The following CDH4 variants were observed in gnomAD, a reference collection of about 807,000 sequenced individuals.
The protein encoded by CDH4 is cadherin-4.
A neutral mutation model predicts 86.0 loss-of-function variants in CDH4; 33 were observed. The observed-to-expected ratio is 0.38, with a 90% CI of 0.29 to 0.51. CDH4 has a LOEUF of 0.51. Among genes scored for constraint, CDH4 ranks in the 20% least tolerant of loss-of-function variants. The pLI is 0.86. For missense variants in CDH4, 1,114 were observed against 1,307.4 expected (o/e 0.85, Z 2.28); for synonymous variants, 555 against 549.4 (o/e 1.01, Z -0.14).
At chr20:61,851,330 C>T (rs1478733924) in intron 5 of CDH4, among the ~76,000 whole-genome samples, 6 of 152,196 alleles carry the variant, frequency 3.9e-5, no homozygotes. Context: ...GGTAAAATTC[C>T]ACTCTGGATG....
At chr20:61,659,343 A>G (rs1600848693) in intron 2 of CDH4, among the ~76,000 whole-genome samples, 1 of 152,340 alleles carries the variant, frequency 6.6e-6, no homozygotes, top group African/African-American at 2.4e-5. Flanking sequence ...TAGAATGCTC[A>G]TTTAAAACCA....
At chr20:61,259,896 G>A (rs1159885966) in intron 2 of CDH4, among the ~76,000 whole-genome samples, 1 of 152,156 alleles carries the variant, frequency 6.6e-6, no homozygotes, top group Admixed American at 6.6e-5. Flanking sequence ...TCCACCCTTT[G>A]CTCTTACTTC....
rs2087552167 is a variant in CDH4, at chr20:61,684,411, T to C, written c.170-59152T>C. Reference sequence around the variant, plus strand: ...GCTTATGCTGGTTAAGTAGGTCTGATGTTAACCAAGCCAAAATGCAGGGGC... The same window carrying C: ...GCTTATGCTGGTTAAGTAGGTCTGACGTTAACCAAGCCAAAATGCAGGGGC... On this transcript the variant is annotated intron_variant, in intron 2 of 15. Transcript: ENST00000614565. The surrounding 1 kb of genome is among the most constrained non-coding windows in gnomAD (Gnocchi z 4.5). 6.6e-6 allele frequency among the ~76,000 whole-genome samples: 1 copy of C among 152,188 alleles called. No individual in the cohort carries two copies. Among genetic ancestry groups the C allele is most frequent in the African/African-American group, 2.4e-5 (1 of 41,444 alleles).
chr20:61,469,022 T>C (rs1322455188), intron 2 of CDH4, among the ~76,000 whole-genome samples: 1 of 152,158 alleles, frequency 6.6e-6, no homozygotes, highest in Non-Finnish European at 1.5e-5. Flanking sequence ...AGAAACATGG[T>C]AGCAAAGATG....
rs775043820 is a variant in CDH4 at position 61,923,687 on chromosome 20, C to T, written c.1611C>T (p.Phe537=). The T allele has an allele frequency of 6.2e-7, 1 of 1,613,736 alleles. No homozygotes were observed. The highest frequency in any genetic ancestry group is 1.7e-5 in the Admixed American group (1 of 60,028). ...TTFSAVDPDR[F]MQQAVRYSKL... is the part of the protein sequence containing the mutation. ...TTTCAGCTGTGGACCCTGACCGGTT[C>T]ATGCAGCAGGCTGTGAGGTGGGTGC... Residue 537 remains phenylalanine (F), a synonymous_variant, in exon 10 of 16, where the codon TTC becomes TTT. Coordinates refer to ENST00000614565, the MANE Select transcript of CDH4 (RefSeq NM_001794.5).
rs1381000390 is a variant in CDH4, at chr20:61,663,244, C to T, written c.170-80319C>T. Among the ~76,000 whole-genome samples, 1 of 152,212 alleles carries T rather than the reference C, an allele frequency of 6.6e-6. No individual in the cohort carries two copies. Among genetic ancestry groups the T allele is most frequent in the Admixed American group, 6.5e-5 (1 of 15,292 alleles). On this transcript the variant is annotated intron_variant, in intron 2 of 15. Transcript: ENST00000614565. This position sits in a 1 kb window ranked among gnomAD's most constrained non-coding sequence, Gnocchi z 5.0. ...TGACAAAGCCCCTGTCCCAGAGGAG[C>T]TTTCATCGAGGGCTTGGCGCCCACG...
At chr20:61,905,975 C>T (rs1475468402) in intron 8 of CDH4, among the ~76,000 whole-genome samples, 6 of 152,170 alleles carry the variant, frequency 3.9e-5, no homozygotes, top group Non-Finnish European at 7.3e-5. Context: ...CATGACGCTC[C>T]CCTGGACCAT....
At chr20:61,743,836 T>C (rs1323956962) in intron 3 of CDH4, 47 bp downstream of exon 3, 2 of 1,375,856 alleles carry the variant, frequency 1.5e-6, no homozygotes, top group Admixed American at 2.0e-5. Context: ...GATGACCTAG[T>C]TCCTCCTGCA....
chr20:61,509,325 C>T (rs2085763394), intron 2 of CDH4, among the ~76,000 whole-genome samples: 3 of 151,836 alleles, frequency 2.0e-5, no homozygotes, highest in Admixed American at 2.0e-4. Context: ...GGGACTCATC[C>T]TGCCCCAGGG....
intron 3 of CDH4, among the ~76,000 whole-genome samples, chr20:61,749,973 A>G (rs911429302): frequency 6.6e-6 from 1 of 152,146 alleles, no homozygotes; most frequent in Non-Finnish European, 1.5e-5. Flanking sequence ...AGGCAGGAGA[A>G]TTGCTCGAAC....
At chr20:61,497,463 TAAAAAA>T (rs937272562) in intron 2 of CDH4, among the ~76,000 whole-genome samples, 1 of 151,930 alleles carries the variant, frequency 6.6e-6, no homozygotes, top group Non-Finnish European at 1.5e-5. Context: ...TTGTTGTTGT[TAAAAAA>T]AGAAAAACGA....
intron 2 of CDH4, among the ~76,000 whole-genome samples, chr20:61,734,709 G>A (rs2088238695): frequency 6.7e-6 from 1 of 150,160 alleles, no homozygotes; most frequent in Admixed American, 6.6e-5. Flanking sequence ...TCCCAGCCTG[G>A]CATGCTGCAG....
At chr20:61,910,208 A>C (rs1946349030) in intron 8 of CDH4, among the ~76,000 whole-genome samples, 1 of 144,882 alleles carries the variant, frequency 6.9e-6, no homozygotes. Context: ...GTTTGTGAAC[A>C]CTCCTTGAGC....
In CDH4 at chr20:61,748,540, C is replaced by T. The variant is rs991702101; in HGVS notation, c.396+4751C>T. Among the ~76,000 whole-genome samples the T allele has an allele frequency of 7.2e-5, 11 of 152,248 alleles. No individual in the cohort carries two copies. The East Asian group carries it at 2.1e-3, about 29-fold the overall frequency. ...AAAATAAAACAAGTTGAGGTGAACA[C>T]TCAGAAATGGAGGAAAGAATGAAGA... On this transcript the variant is annotated intron_variant, in intron 3 of 15. Transcript: ENST00000614565.
In CDH4 at chr20:61,928,299, C is replaced by T; in HGVS notation, c.1881C>T (p.Asn627=). ...PKEAQICEKP[N]LNAINITAAD... ...AGGCGCAGATCTGCGAGAAGCCCAA[C>T]CTGAACGCCATCAACATCACGGCGG... is the stretch of plus-strand genomic sequence containing the variant. Residue 627 remains asparagine (N), a synonymous_variant, in exon 12 of 16, where the codon AAC becomes AAT. Coordinates refer to ENST00000614565, the MANE Select transcript of CDH4 (RefSeq NM_001794.5). 6.2e-7 allele frequency: 1 copy of T among 1,610,768 alleles called. No homozygotes were observed. Among genetic ancestry groups the T allele is most frequent in the Non-Finnish European group, 8.5e-7 (1 of 1,179,994 alleles).
chr20:61,481,917 C>T (rs1234304180), intron 2 of CDH4, among the ~76,000 whole-genome samples: 2 of 152,138 alleles, frequency 1.3e-5, no homozygotes, highest in African/African-American at 2.4e-5. Context: ...CCATACATAT[C>T]GATGACTTTT....
chr20:61,444,320 TCTGC>T (rs1568847328), intron 2 of CDH4, among the ~76,000 whole-genome samples: 9 of 946 alleles, frequency 9.5e-3, no homozygotes, highest in South Asian at 0.028. Context: ...TTTTTGTGTA[TCTGC>T]ACGTGTGTTT....
chr20:61,932,477 G>A lies in CDH4; in HGVS notation c.2240-508G>A, dbSNP rs73917151. ...TATGGACATGAACACATGCACTCAC[G>A]CCCCATGAGCATACACAGACACACG... On this transcript the variant is annotated intron_variant, in intron 13 of 15. Coordinates refer to ENST00000614565, the MANE Select transcript of CDH4 (RefSeq NM_001794.5). Among the ~76,000 whole-genome samples, 915 of 152,012 alleles carry A rather than the reference G, an allele frequency of 6.0e-3. 12 individuals are homozygous for A. Among genetic ancestry groups the A allele is most frequent in the African/African-American group, 0.021 (867 of 41,432 alleles).
At chr20:61,471,277 A>G (rs2085500688) in intron 2 of CDH4, among the ~76,000 whole-genome samples, 1 of 152,034 alleles carries the variant, frequency 6.6e-6, no homozygotes, top group African/African-American at 2.4e-5. Flanking sequence ...CTAGGAATTT[A>G]TACCTTTCCT....
Sources: allele counts gnomAD v4.1 joint callset (sites outside exome capture counted in the v4.1 genomes callset), GRCh38; gene constraint gnomAD v4.1.1; non-coding constraint Gnocchi (gnomAD v3.1); transcripts MANE v1.5; gene names NCBI Gene and HGNC (gene_info 2026-07-23, HGNC 2026-07-21).